MAP4: variants seen among roughly 807,000 people sequenced by gnomAD.
MAP4 encodes the protein microtubule-associated protein 4.
MAP4 carries 76 observed loss-of-function variants against 170.2 expected under a neutral mutation model. The observed-to-expected ratio is 0.45, with a 90% CI of 0.37 to 0.54. The LOEUF (loss-of-function observed/expected upper bound fraction) is 0.54. Ranked by LOEUF, MAP4 falls within the 20% of genes least tolerant of loss-of-function variation. MAP4 has a pLI of 0.00. For synonymous variants in MAP4, 909 were observed against 994.5 expected (o/e 0.91, Z 1.62); for missense variants, 2,506 against 2,748.0 (o/e 0.91, Z 1.97).
chr3:48,014,264 G>C (rs2100106701), intron 1 of MAP4, among the ~76,000 whole-genome samples: 1 of 152,156 alleles, frequency 6.6e-6, no homozygotes, highest in Non-Finnish European at 1.5e-5. Context: ...TAAGCTCCAT[G>C]AAGTCCTCCT....
chr3:47,890,340 T>C (rs1385572992), intron 10 of MAP4, among the ~76,000 whole-genome samples: 4 of 152,198 alleles, frequency 2.6e-5, no homozygotes, highest in Admixed American at 2.6e-4. Flanking sequence ...CTGCTTTCTC[T>C]TTCTTCTTTT....
rs139294227 is a variant in MAP4 at position 48,031,892 on chromosome 3, TACACACACACAC to T, written c.-19-33025_-19-33014del. ...CAAAACACACACATACACACACACA[TACACACACACAC>T]ACACACAGACATAAATCATGCTGAC... On this transcript the variant is annotated intron_variant, in intron 1 of 18. Coordinates refer to the MAP4 transcript ENST00000360240. Among the ~76,000 whole-genome samples, 229 of 147,516 alleles carry T rather than the reference TACACACACACAC, an allele frequency of 1.6e-3. 3 individuals are homozygous for T. The South Asian group carries it at 0.045, about 29-fold the overall frequency.
intron 10 of MAP4, chr3:47,877,802 G>C (rs2095826609): frequency 5.0e-6 from 1 of 201,844 alleles, no homozygotes; most frequent in Non-Finnish European, 9.9e-6. Flanking sequence ...TTTAAGTTTG[G>C]TTTCCCTTCC....
rs544191509 is a variant in MAP4 at position 47,891,937 on chromosome 3, G to T, written c.5434+11013C>A. 9.8e-6 allele frequency: 15 copies of T among 1,536,154 alleles called. No homozygotes were observed. The African/African-American group carries it at 1.6e-4, about 17-fold the overall frequency. ...CTTGAGCCACTGGATGAAAGCTGGGGTTCCAAACACTGGTTTCCTGCTCCT... is the reference window on the plus strand; with the variant it reads ...CTTGAGCCACTGGATGAAAGCTGGGTTTCCAAACACTGGTTTCCTGCTCCT... On this transcript the variant is annotated intron_variant, in intron 10 of 20. Coordinates refer to ENST00000683076, the MANE Select transcript of MAP4 (RefSeq NM_001385682.1).
At chr3:47,999,575 T>C (rs995576310) in intron 1 of MAP4, among the ~76,000 whole-genome samples, 1 of 152,086 alleles carries the variant, frequency 6.6e-6, no homozygotes, top group Non-Finnish European at 1.5e-5. Context: ...AGCAGGAGGA[T>C]ATTATCCGCA....
chr3:47,970,119 C>G (rs926898152), intron 3 of MAP4, among the ~76,000 whole-genome samples: 8 of 152,216 alleles, frequency 5.3e-5, no homozygotes, highest in African/African-American at 1.9e-4. Context: ...CCAAAATAAA[C>G]TACCTACATG....
intron 9 of MAP4, among the ~76,000 whole-genome samples, chr3:47,903,604 C>T (rs868867856): frequency 2.0e-5 from 3 of 151,726 alleles, no homozygotes; most frequent in Middle Eastern, 3.2e-3. Context: ...CATTAATCTT[C>T]CCTGCCTGGA....
intron 1 of MAP4, among the ~76,000 whole-genome samples, chr3:48,045,732 G>A (rs145235621): frequency 1.1e-4 from 17 of 152,278 alleles, no homozygotes; most frequent in East Asian, 9.7e-4. Context: ...CAATAGAGAC[G>A]GGGTTTCACC....
At chr3:48,017,317 C>G (rs891440670), upstream of MAP4, among the ~76,000 whole-genome samples, 2 of 152,104 alleles carry the variant, frequency 1.3e-5, no homozygotes, top group East Asian at 1.9e-4. Context: ...CTTCATATAC[C>G]TTTTGAATTA....
chr3:47,952,200 C>G (rs1262323799), intron 3 of MAP4, among the ~76,000 whole-genome samples: 3 of 151,940 alleles, frequency 2.0e-5, no homozygotes, highest in Non-Finnish European at 4.4e-5. Flanking sequence ...CCAGCAGCCA[C>G]CCCGTCTGGG....
intron 10 of MAP4, chr3:47,892,492 C>A: frequency 6.6e-7 from 1 of 1,522,602 alleles, no homozygotes; most frequent in Non-Finnish European, 8.8e-7. Context: ...AGAGCGACAT[C>A]GTCTCTCCTC....
chr3:47,988,029 C>A (rs1012908344), intron 2 of MAP4, among the ~76,000 whole-genome samples: 4 of 151,982 alleles, frequency 2.6e-5, no homozygotes, highest in African/African-American at 9.7e-5. Flanking sequence ...CCCGTCTCTA[C>A]TAAAAATACA....
intron 3 of MAP4, among the ~76,000 whole-genome samples, chr3:47,957,927 A>C (rs1386649214): frequency 6.6e-6 from 1 of 152,156 alleles, no homozygotes; most frequent in Non-Finnish European, 1.5e-5. Context: ...GCAATCACTG[A>C]ATTTTTGCTT....
chr3:48,056,262 G>GCCC (rs1156290673), intron 1 of MAP4, among the ~76,000 whole-genome samples: 6 of 106,026 alleles, frequency 5.7e-5, no homozygotes, highest in Non-Finnish European at 1.3e-4. Context: ...GGAGGGAGGT[G>GCCC]GGGGGGTCAG....
chr3:48,024,953 C>A (rs1007720862), intron 1 of MAP4, among the ~76,000 whole-genome samples: 3 of 150,422 alleles, frequency 2.0e-5, no homozygotes, highest in Non-Finnish European at 4.4e-5. Context: ...GCAATCATTT[C>A]TTTTTCTTTT....
chr3:48,079,388 T>C (rs1231056932), intron 1 of MAP4, among the ~76,000 whole-genome samples: 1 of 152,074 alleles, frequency 6.6e-6, no homozygotes, highest in Non-Finnish European at 1.5e-5. Context: ...GTGCAGTGGC[T>C]CACGTCTGTA....
At chr3:47,998,269 G>A (rs1372558635) in intron 2 of MAP4, among the ~76,000 whole-genome samples, 2 of 152,144 alleles carry the variant, frequency 1.3e-5, no homozygotes, top group Non-Finnish European at 2.9e-5. Context: ...TGACTCCAAA[G>A]ACAACAAATG....
At chr3:48,056,986 G>A (rs1368027243) in intron 1 of MAP4, among the ~76,000 whole-genome samples, 4 of 129,220 alleles carry the variant, frequency 3.1e-5, no homozygotes. Context: ...AGGGAGGTGG[G>A]GGGGGTCAGC....
At chr3:47,946,239 G>A (rs1459184727) in intron 3 of MAP4, among the ~76,000 whole-genome samples, 6 of 150,232 alleles carry the variant, frequency 4.0e-5, no homozygotes, top group South Asian at 4.3e-4. Context: ...CACCACACCC[G>A]GCCCCATAAC....
Sources: gnomAD v4.1 joint callset for allele counts (sites outside exome capture counted in the v4.1 genomes callset) on GRCh38, gnomAD v4.1.1 for gene constraint, MANE v1.5 for transcripts, NCBI Gene and HGNC (gene_info 2026-07-23, HGNC 2026-07-21) for gene names.